Variants in ITGA9 observed in about 807,000 individuals in gnomAD.
The protein encoded by ITGA9 is integrin alpha-9.
A neutral mutation model predicts 127.8 loss-of-function variants in ITGA9; 56 were observed. The ratio of observed to expected loss-of-function variants is 0.44; its 90% CI spans 0.35 to 0.55. The LOEUF is 0.55. Ranked by LOEUF, ITGA9 falls within the 20% of genes least tolerant of loss-of-function variation. The pLI, the probability that ITGA9 is intolerant of heterozygous loss-of-function variation, is 0.00. For missense variants in ITGA9, 1,196 were observed against 1,347.1 expected (o/e 0.89, Z 1.76); for synonymous variants, 508 against 514.5 (o/e 0.99, Z 0.17).
intron 7 of ITGA9, among the ~76,000 whole-genome samples, chr3:37,507,960 G>A (rs1698862748): frequency 6.6e-6 from 1 of 152,228 alleles, no homozygotes; most frequent in Non-Finnish European, 1.5e-5. Flanking sequence ...GCGATGCATA[G>A]TTCACATGAA....
At chr3:37,511,998 CTTTTCTTTTCTTTTCTTTTCTTTTCTTTT>C (rs1359257307) in intron 8 of ITGA9, among the ~76,000 whole-genome samples, 21 of 40,192 alleles carry the variant, frequency 5.2e-4, no homozygotes, top group African/African-American at 1.2e-3. Flanking sequence ...CTTTTCTTTT[CTTTTCTTTTCTTTTCTTTTCTTTTCTTTT>C]CTTTCTTTCT....
At chr3:37,627,206 C>T (rs1014027542) in intron 15 of ITGA9, among the ~76,000 whole-genome samples, 2 of 152,310 alleles carry the variant, frequency 1.3e-5, no homozygotes, top group Non-Finnish European at 1.5e-5. Context: ...TATTCCCAGC[C>T]GAATGTTTTC....
At chr3:37,804,952 C>A (rs533621281) in intron 27 of ITGA9, among the ~76,000 whole-genome samples, 9 of 152,172 alleles carry the variant, frequency 5.9e-5, no homozygotes, top group African/African-American at 1.7e-4. Flanking sequence ...TAGATATAGA[C>A]CAGGCATTCT....
intron 26 of ITGA9, among the ~76,000 whole-genome samples, chr3:37,787,897 A>AT: frequency 6.6e-6 from 1 of 152,334 alleles, no homozygotes; most frequent in South Asian, 2.1e-4. Context: ...TTAACCACAT[A>AT]ACGTGTGCAC....
chr3:37,764,264 T>C (rs1052686570), intron 23 of ITGA9, among the ~76,000 whole-genome samples: 5 of 152,040 alleles, frequency 3.3e-5, no homozygotes, highest in Non-Finnish European at 7.4e-5. Flanking sequence ...GCTCTCTCCA[T>C]ATTCTCCAAA....
chr3:37,471,313 A>G (rs765421213), intron 2 of ITGA9, among the ~76,000 whole-genome samples, 179 bp downstream of exon 2: 3 of 152,166 alleles, frequency 2.0e-5, no homozygotes, highest in Non-Finnish European at 4.4e-5. Context: ...GGGATACACC[A>G]GTGAACAAAA....
At chr3:37,689,042 G>A (rs1486234977) in intron 18 of ITGA9, among the ~76,000 whole-genome samples, 2 of 149,040 alleles carry the variant, frequency 1.3e-5, no homozygotes, top group African/African-American at 2.5e-5. Flanking sequence ...GGATGGGTGA[G>A]TGGATGGCTG....
chr3:37,495,308 A>G (rs1040134719), intron 5 of ITGA9, among the ~76,000 whole-genome samples: 7 of 152,192 alleles, frequency 4.6e-5, no homozygotes, highest in African/African-American at 1.7e-4. Flanking sequence ...ATTCAGAAGG[A>G]CAGGACACCT....
At chr3:37,539,538 G>A (rs1699245807) in intron 14 of ITGA9, among the ~76,000 whole-genome samples, 1 of 152,254 alleles carries the variant, frequency 6.6e-6, no homozygotes. Context: ...TCTGAAAGCA[G>A]TCTAAAAGCA....
intron 15 of ITGA9, among the ~76,000 whole-genome samples, chr3:37,588,407 C>T (rs1280277411): frequency 6.8e-6 from 1 of 146,520 alleles, no homozygotes; most frequent in Non-Finnish European, 1.5e-5. Flanking sequence ...ATCCAAGCTT[C>T]GTCCACCCCC....
intron 15 of ITGA9, among the ~76,000 whole-genome samples, chr3:37,606,963 A>C: frequency 7.3e-6 from 1 of 137,422 alleles, no homozygotes; most frequent in African/African-American, 2.7e-5. Flanking sequence ...AGCAGGGCTC[A>C]TGGCTCCTTT....
intron 15 of ITGA9, among the ~76,000 whole-genome samples, chr3:37,615,705 G>A (rs1700067549): frequency 6.6e-6 from 1 of 152,192 alleles, no homozygotes. Context: ...GAGGGTGTAT[G>A]TGTCGAGGAA....
intron 13 of ITGA9, among the ~76,000 whole-genome samples, chr3:37,527,910 T>C (rs1054157521): frequency 6.6e-6 from 1 of 152,062 alleles, no homozygotes; most frequent in South Asian, 2.1e-4. Flanking sequence ...CTCAGCCTCC[T>C]GAGCAGCTGG....
At chr3:37,694,493 A>G (rs1015157159) in intron 18 of ITGA9, among the ~76,000 whole-genome samples, 2 of 152,246 alleles carry the variant, frequency 1.3e-5, no homozygotes, top group African/African-American at 4.8e-5. Context: ...AGGCGGCTTC[A>G]GTATTCCGCC....
At chr3:37,479,666 A>C (rs1345147170) in intron 3 of ITGA9, among the ~76,000 whole-genome samples, 1 of 152,176 alleles carries the variant, frequency 6.6e-6, no homozygotes, top group Non-Finnish European at 1.5e-5. Flanking sequence ...AAAGAGGATA[A>C]AGTCACCAGG....
chr3:37,746,615 A>G (rs538751329), intron 22 of ITGA9, among the ~76,000 whole-genome samples: 1 of 152,218 alleles, frequency 6.6e-6, no homozygotes, highest in African/African-American at 2.4e-5. Flanking sequence ...TACCCCATTC[A>G]TGCTTGAAAT....
intron 18 of ITGA9, among the ~76,000 whole-genome samples, chr3:37,708,461 G>T (rs899066286): frequency 3.9e-5 from 6 of 152,210 alleles, no homozygotes; most frequent in Non-Finnish European, 8.8e-5. Context: ...GAGGGTTGGA[G>T]AGTGGGCGTT....
At chr3:37,775,972 AC>A (rs1363448761) in intron 23 of ITGA9, among the ~76,000 whole-genome samples, 2 of 152,242 alleles carry the variant, frequency 1.3e-5, no homozygotes, top group Non-Finnish European at 2.9e-5. Flanking sequence ...AAAATGTTGT[AC>A]AGATATACCA....
At chr3:37,733,591 AT>A (rs1696324072) in intron 19 of ITGA9, among the ~76,000 whole-genome samples, 1 of 148,374 alleles carries the variant, frequency 6.7e-6, no homozygotes, top group Non-Finnish European at 1.5e-5. Flanking sequence ...CACTCAGATC[AT>A]TTTAATCTCC....
Sources: allele counts gnomAD v4.1 joint callset (sites outside exome capture counted in the v4.1 genomes callset), GRCh38; gene constraint gnomAD v4.1.1; transcripts MANE v1.5; gene names NCBI Gene and HGNC (gene_info 2026-07-23, HGNC 2026-07-21).